Variants in SOX5 observed in about 807,000 individuals in gnomAD.
The protein encoded by SOX5 is SRY-box transcription factor 5.
In SOX5, 9 loss-of-function variants were observed where a neutral mutation model predicts 92.0. The observed-to-expected ratio is 0.10, with a 90% CI of 0.06 to 0.17. The LOEUF is 0.17. SOX5 is among the 10% of genes least tolerant of loss of function. SOX5 has a pLI of 1.00. For missense variants in SOX5, 642 were observed against 944.5 expected (o/e 0.68, Z 4.20); for synonymous variants, 344 against 336.3 (o/e 1.02, Z -0.25).
intron 9 of SOX5, chr12:23,603,958 G>T: frequency 6.3e-6 from 1 of 157,530 alleles, no homozygotes. Flanking sequence ...CCCTTCTCTG[G>T]CAAACTCCTG....
intron 4 of SOX5, among the ~76,000 whole-genome samples, chr12:24,133,702 A>G (rs994156976): frequency 6.6e-6 from 1 of 152,152 alleles, no homozygotes; most frequent in African/African-American, 2.4e-5. Context: ...AAATAAAATG[A>G]GATTCCTTAG....
At chr12:23,845,480 GAACA>G (rs1350492902) in intron 3 of SOX5, among the ~76,000 whole-genome samples, 1 of 152,130 alleles carries the variant, frequency 6.6e-6, no homozygotes, top group Non-Finnish European at 1.5e-5. Context: ...TCTGGAAGTT[GAACA>G]AATAGGAACT....
intron 7 of SOX5, among the ~76,000 whole-genome samples, chr12:23,655,858 T>A (rs1015386500): frequency 5.9e-5 from 9 of 152,260 alleles, no homozygotes; most frequent in African/African-American, 2.2e-4. Flanking sequence ...ATGTCTTGAA[T>A]GGTCAGAGGC....
At chr12:23,888,353 T>A (rs941481824) in intron 2 of SOX5, among the ~76,000 whole-genome samples, 11 of 152,106 alleles carry the variant, frequency 7.2e-5, no homozygotes, top group African/African-American at 2.4e-4. Flanking sequence ...CCTTACACTG[T>A]GTGGGGATAA....
At chr12:23,981,174 C>G (rs866729988) in intron 4 of SOX5, among the ~76,000 whole-genome samples, 2 of 152,096 alleles carry the variant, frequency 1.3e-5, no homozygotes, top group South Asian at 4.1e-4. Flanking sequence ...TCTAATTCCA[C>G]AAGCTACATA....
At chr12:24,387,935 C>A (rs914405979) in intron 1 of SOX5, among the ~76,000 whole-genome samples, 1 of 152,144 alleles carries the variant, frequency 6.6e-6, no homozygotes, top group Non-Finnish European at 1.5e-5. Context: ...CTCTCCCCAT[C>A]AAAATGCACC....
At chr12:23,801,984 G>C (rs2095666883) in intron 3 of SOX5, among the ~76,000 whole-genome samples, 1 of 152,110 alleles carries the variant, frequency 6.6e-6, no homozygotes, top group Non-Finnish European at 1.5e-5. Context: ...CTTTTTCTGG[G>C]AAATGCATGC....
intron 6 of SOX5, among the ~76,000 whole-genome samples, chr12:23,680,299 C>T (rs1338634600): frequency 3.8e-5 from 5 of 130,080 alleles, no homozygotes; most frequent in Non-Finnish European, 6.2e-5. Flanking sequence ...GCACTTCAGC[C>T]TGGGTGACAG....
intron 1 of SOX5, among the ~76,000 whole-genome samples, chr12:24,552,589 T>C (rs1369454263): frequency 6.6e-6 from 1 of 152,256 alleles, no homozygotes; most frequent in Non-Finnish European, 1.5e-5. Flanking sequence ...TCAGAATCTC[T>C]GCTTAAGTCA....
intron 1 of SOX5, among the ~76,000 whole-genome samples, chr12:24,445,930 T>C (rs564577366): frequency 1.1e-4 from 16 of 152,274 alleles, no homozygotes; most frequent in Middle Eastern, 3.4e-3. Context: ...TGAAGGATAA[T>C]TGTACTATAC....
At chr12:23,550,589 T>TA (rs1382292938) in intron 11 of SOX5, among the ~76,000 whole-genome samples, 1 of 151,910 alleles carries the variant, frequency 6.6e-6, no homozygotes, top group African/African-American at 2.4e-5. Context: ...AAATATGCAC[T>TA]AAAAAAGGGA....
chr12:24,302,404 G>C (rs1654237527), intron 2 of SOX5, among the ~76,000 whole-genome samples: 1 of 152,142 alleles, frequency 6.6e-6, no homozygotes, highest in South Asian at 2.1e-4. Flanking sequence ...TTCTATACAA[G>C]TACTTTTCAC....
intron 3 of SOX5, among the ~76,000 whole-genome samples, chr12:23,792,401 G>A (rs1437712718): frequency 6.6e-6 from 1 of 151,720 alleles, no homozygotes; most frequent in Non-Finnish European, 1.5e-5. Context: ...GAGGTGGGTG[G>A]ATCATGAGGT....
In SOX5 at chr12:24,393,866, A is replaced by C. The variant is rs1053114802; in HGVS notation, c.-250-25227T>G. Among the ~76,000 whole-genome samples, 1 of 152,246 alleles carries C rather than the reference A, an allele frequency of 6.6e-6. No homozygotes were observed. The highest frequency in any genetic ancestry group is 1.5e-5 in the Non-Finnish European group (1 of 68,048). On this transcript the variant is annotated intron_variant, in intron 1 of 4. Transcript: ENST00000446891. The surrounding 1 kb of genome is among the most constrained non-coding windows in gnomAD (Gnocchi z 5.0). ...CAAAAGTTTAAAAGAGAATAGCAAA[A>C]GAGAAAAGACTAATTTTACATAGAA...
chr12:24,383,109 G>A (rs766191549), intron 1 of SOX5, among the ~76,000 whole-genome samples: 2 of 152,114 alleles, frequency 1.3e-5, no homozygotes, highest in African/African-American at 2.4e-5. Context: ...TTGAGAATGC[G>A]ATCTCCCTAT....
intron 3 of SOX5, among the ~76,000 whole-genome samples, chr12:24,246,942 A>C (rs1938897268): frequency 6.6e-6 from 1 of 152,176 alleles, no homozygotes; most frequent in African/African-American, 2.4e-5. Flanking sequence ...CAAAAAATGC[A>C]AGGTTTCTAC....
chr12:23,898,539 G>A (rs537601291), intron 1 of SOX5, among the ~76,000 whole-genome samples: 1 of 152,288 alleles, frequency 6.6e-6, no homozygotes, highest in African/African-American at 2.4e-5. Context: ...CATCAATTAT[G>A]AAAACTGAAA....
intron 2 of SOX5, among the ~76,000 whole-genome samples, chr12:23,880,552 TTCTC>T (rs1324117418): frequency 6.6e-6 from 1 of 152,140 alleles, no homozygotes; most frequent in Non-Finnish European, 1.5e-5. Context: ...AATCTCAACT[TTCTC>T]TCTCTTTTCT....
chr12:24,277,435 T>C (rs115158952), intron 2 of SOX5: 1,844 of 147,246 alleles, frequency 0.013, 36 homozygotes, highest in African/African-American at 0.044. Flanking sequence ...TATATGTAAA[T>C]TGATAAACCA....
Sources: allele counts gnomAD v4.1 joint callset (sites outside exome capture counted in the v4.1 genomes callset), GRCh38; gene constraint gnomAD v4.1.1; non-coding constraint Gnocchi (gnomAD v3.1); transcripts MANE v1.5; gene names NCBI Gene and HGNC (gene_info 2026-07-23, HGNC 2026-07-21).